The following FHOD1 variants were observed in gnomAD, a reference collection of about 807,000 sequenced individuals.
The protein encoded by FHOD1 is formin homology 2 domain containing 1, also known as FH1/FH2 domain-containing protein 1.
Under a neutral mutation model 111.6 loss-of-function variants are expected in FHOD1, and 89 were observed. The ratio of observed to expected loss-of-function variants is 0.80; its 90% CI spans 0.67 to 0.95. FHOD1 has a LOEUF of 0.95. Among genes scored for constraint, FHOD1 ranks in the 40% least tolerant of loss-of-function variants. The pLI, the probability that FHOD1 is intolerant of heterozygous loss-of-function variation, is 0.00. For missense variants in FHOD1, 1,446 were observed against 1,554.2 expected (o/e 0.93, Z 1.17); for synonymous variants, 618 against 639.0 (o/e 0.97, Z 0.50).
At position 67,236,967 on chromosome 16, in the gene FHOD1, C is replaced by T. The variant is rs768121587; in HGVS notation, c.1141G>A (p.Gly381Ser). 2 of 1,582,218 alleles carry T rather than the reference C, an allele frequency of 1.3e-6. No individual in the cohort carries two copies. The highest frequency in any genetic ancestry group is 1.2e-5 in the South Asian group (1 of 86,576). ...CCATCTACAGATGCTCGTACTTACCCAGGTTCCGGGGCACGCGCGGGGCAG... is the reference window on the plus strand; with the variant it reads ...CCATCTACAGATGCTCGTACTTACCTAGGTTCCGGGGCACGCGCGGGGCAG... The part of the protein sequence containing the change: ...GGCPARAPEP[G>S]PTGPASPVGP... Residue 381 changes from glycine to serine, a missense_variant and splice_region_variant, in exon 10 of 22, where the codon GGC becomes AGC. This residue lies in a region of FHOD1 where 1,085 missense variants were observed against 1,108.8 expected (regional missense o/e 0.98). Transcript: ENST00000258201.
chr16:67,234,595 A>C, intron 11 of FHOD1, 123 bp from the exon 12 acceptor site: 2 of 811,564 alleles, frequency 2.5e-6, no homozygotes, highest in Non-Finnish European at 4.0e-6. Context: ...GGAACAGTCC[A>C]TGCGCTGAGC....
Position 67,233,927 on chromosome 16 carries a change from TG to T in FHOD1, c.1775del (p.Pro592HisfsTer36). On this transcript the variant is annotated frameshift_variant, in exon 13 of 22. Coordinates refer to ENST00000258201, the MANE Select transcript of FHOD1 (RefSeq NM_013241.3). LOFTEE classifies it high-confidence loss of function. ...GTGGTGGGAAGGGGCCTTTGATGGG[TG>T]GGGGAGGTGGAAGTGGGGGAGGGGG... ...VPPPPPLPPPPPIKGPFPPPP... is the reference protein window; with the variant it reads ...VPPPPPLPPPXPIKGPFPPPP... 1 of 175,144 alleles carries T rather than the reference TG, an allele frequency of 5.7e-6. No individual in the cohort carries two copies. The highest frequency in any genetic ancestry group is 9.4e-6 in the Non-Finnish European group (1 of 105,822). The allele number at this position is 175,144 out of a possible 1,614,324, so 10.8% of individuals were successfully genotyped here.
At chr16:67,230,041 T>C (rs1202287282) in intron 20 of FHOD1, 25 bp downstream of exon 20, 13 of 1,612,874 alleles carry the variant, frequency 8.1e-6, no homozygotes, top group South Asian at 2.2e-5. Flanking sequence ...TGGAGCCCAT[T>C]CCCCACAGCT....
At chr16:67,244,389 A>G (rs1219089055) in intron 1 of FHOD1, among the ~76,000 whole-genome samples, 2 of 151,906 alleles carry the variant, frequency 1.3e-5, no homozygotes, top group Non-Finnish European at 2.9e-5. Flanking sequence ...GGCTGGGGGA[A>G]TATTTTGGAG....
rs764568422 is a variant in FHOD1 at position 67,231,691 on chromosome 16, G to A, written c.2331C>T (p.Leu777=). ...FLMTLASIGG[L]AARLQLWAFK... is the part of the protein sequence containing the mutation. ...AGGCCCAGAGTTGTAGACGAGCAGC[G>A]AGGCCGCCAATGGAGGCAAGAGTCA... The change falls in exon 15 of 22, where the codon CTC becomes CTT. Residue 777 remains leucine (L), a synonymous_variant. Coordinates refer to ENST00000258201, the MANE Select transcript of FHOD1 (RefSeq NM_013241.3). This position sits in a 1 kb window ranked among gnomAD's most constrained non-coding sequence, Gnocchi z 4.3. 2.8e-5 allele frequency: 45 copies of A among 1,614,144 alleles called. No individual in the cohort carries two copies. The highest frequency in any genetic ancestry group is 2.7e-4 in the Admixed American group (16 of 60,024).
At position 67,247,304 on chromosome 16, in the gene FHOD1, T is replaced by C; in HGVS notation, c.107A>G (p.Glu36Gly). 1 of 1,613,354 alleles carries C rather than the reference T, an allele frequency of 6.2e-7. No homozygotes were observed. The highest frequency in any genetic ancestry group is 8.5e-7 in the Non-Finnish European group (1 of 1,179,788). ...TDPFACANFP[E>G]PRRAPTCSLD... ...GCTGCAGGTGGGGGCCCGGCGCGGC[T>C]CCGGAAAGTTGGCACATGCGAAGGG... Residue 36 changes from glutamate (E) to glycine (G), a missense_variant, in exon 1 of 22, where the codon GAG becomes GGG. Glu to Gly is a moderately conservative substitution (Grantham distance 98). Transcript: ENST00000258201.
chr16:67,238,204 C>G lies in FHOD1; in HGVS notation c.545G>C (p.Arg182Thr). ...CATGGGAGAGGGGCGGGGCTGACCT[C>G]TAAGGATGTAGCTCTGGTAGTTGTG... Reference protein sequence around the residue: ...ADHNYQSYILRALGQLMLFVD... With the variant: ...ADHNYQSYILTALGQLMLFVD... The change falls in exon 5 of 22, where the codon AGA becomes ACA. Residue 182 changes from arginine to threonine, a missense_variant and splice_region_variant. Around this residue, in one of 3 missense-constraint regions of FHOD1, gnomAD observed 234 missense variants for 327.4 expected, o/e 0.71. Transcript: ENST00000258201. This position sits in a 1 kb window ranked among gnomAD's most constrained non-coding sequence, Gnocchi z 4.2. 6 of 1,614,162 alleles carry G rather than the reference C, an allele frequency of 3.7e-6. No individual in the cohort carries two copies. The highest frequency in any genetic ancestry group is 4.2e-6 in the Non-Finnish European group (5 of 1,180,018).
In FHOD1 at chr16:67,236,574, G is replaced by C. The variant is rs761595877; in HGVS notation, c.1302C>G (p.Ser434Arg). 1 of 1,613,410 alleles carries C rather than the reference G, an allele frequency of 6.2e-7. No individual in the cohort carries two copies. The highest frequency in any genetic ancestry group is 1.7e-5 in the Admixed American group (1 of 59,940). Residue 434 changes from serine (S) to arginine (R), a missense_variant, in exon 11 of 22, where the codon AGC becomes AGG. Transcript: ENST00000258201. Reference protein sequence around the residue: ...ISVAPSADTSSERSIYKARFL... With the variant: ...ISVAPSADTSRERSIYKARFL... ...CTACTTACTTGTAGATGCTCCTCTC[G>C]CTGGAGGTGTCAGCTGAGGGTGCCA...
chr16:67,245,471 C>T (rs1211558012), intron 1 of FHOD1, among the ~76,000 whole-genome samples: 1 of 152,110 alleles, frequency 6.6e-6, no homozygotes, highest in African/African-American at 2.4e-5. Context: ...AGGGGCTGGG[C>T]ATGGTGGCTC....
In FHOD1 at chr16:67,237,935, C is replaced by T; in HGVS notation, c.642+99G>A. 5 of 1,402,880 alleles carry T rather than the reference C, an allele frequency of 3.6e-6. No homozygotes were observed. Among genetic ancestry groups the T allele is most frequent in the Non-Finnish European group, 5.0e-6 (5 of 998,970 alleles). The allele number at this position is 1,402,880 out of a possible 1,614,324, so 86.9% of individuals were successfully genotyped here. On this transcript the variant is annotated intron_variant, in intron 6 of 21. Coordinates refer to ENST00000258201, the MANE Select transcript of FHOD1 (RefSeq NM_013241.3). This position sits in a 1 kb window ranked among gnomAD's most constrained non-coding sequence, Gnocchi z 5.6. ...GTGCCTTATAGGCTTACAGAGGCCT[C>T]AGACTCACTCCCTTCCAGCTCACTT... is the stretch of plus-strand genomic sequence containing the variant.
In FHOD1 at chr16:67,231,915, A is replaced by G; in HGVS notation, c.2203-96T>C. ...CCCTCAGTCATCTAGGGGAGGCCCCAGTGTCTGGGGACTGCCCTGCAGAAA... is the reference window on the plus strand; with the variant it reads ...CCCTCAGTCATCTAGGGGAGGCCCCGGTGTCTGGGGACTGCCCTGCAGAAA... On this transcript the variant is annotated intron_variant, in intron 14 of 21. Transcript: ENST00000258201. The surrounding 1 kb of genome is among the most constrained non-coding windows in gnomAD (Gnocchi z 4.3). 1 of 1,539,162 alleles carries G rather than the reference A, an allele frequency of 6.5e-7. No individual in the cohort carries two copies. The highest frequency in any genetic ancestry group is 8.8e-7 in the Non-Finnish European group (1 of 1,137,192).
rs753156211 is a variant in FHOD1, at chr16:67,230,493, G to A, written c.2872C>T (p.Leu958=). Residue 958 remains leucine (L), a synonymous_variant, in exon 19 of 22, where the codon CTG becomes TTG. Coordinates refer to ENST00000258201, the MANE Select transcript of FHOD1 (RefSeq NM_013241.3). ...RRVCNRFHAF[L]LYLGYTPQAA... ...TGCGGGGTGTAGCCCAGGTAGAGCA[G>A]GAAGGCATGGAACCTAGGCAGGTCA... The A allele has an allele frequency of 1.9e-6, 3 of 1,614,254 alleles. No individual in the cohort carries two copies. Among genetic ancestry groups the A allele is most frequent in the South Asian group, 2.2e-5 (2 of 91,084 alleles).
rs545830867 is a variant in FHOD1, at chr16:67,245,875, G to C, written c.201+1335C>G. Among the ~76,000 whole-genome samples, 15 of 152,260 alleles carry C rather than the reference G, an allele frequency of 9.9e-5. No individual in the cohort carries two copies. The East Asian group carries it at 2.9e-3, about 29-fold the overall frequency. Reference sequence around the variant, plus strand: ...ATCCGGACTTTAGGAGCCTGGAAGCGGGAACCAGTCTTAGTTCAGCACTCC... The same window carrying C: ...ATCCGGACTTTAGGAGCCTGGAAGCCGGAACCAGTCTTAGTTCAGCACTCC... On this transcript the variant is annotated intron_variant, in intron 1 of 21. Transcript: ENST00000258201.
chr16:67,231,380 G>A lies in FHOD1; in HGVS notation c.2506-31C>T. On this transcript the variant is annotated intron_variant, in intron 16 of 21. Transcript: ENST00000258201. This position sits in a 1 kb window ranked among gnomAD's most constrained non-coding sequence, Gnocchi z 4.3. ...AGGACCCTTTCTGAGCCTGGGCCTG[G>A]TTGGCTCCAGAACCCTGACTCCCCC... 1 of 1,614,030 alleles carries A rather than the reference G, an allele frequency of 6.2e-7. No homozygotes were observed. Among genetic ancestry groups the A allele is most frequent in the Non-Finnish European group, 8.5e-7 (1 of 1,179,986 alleles).
intron 11 of FHOD1, chr16:67,234,685 T>C (rs1459665085): frequency 3.8e-6 from 2 of 520,152 alleles, no homozygotes; most frequent in Non-Finnish European, 6.9e-6. Context: ...AACCCAGCAT[T>C]CCCAGGTGAA....
chr16:67,230,705 C>T lies in FHOD1; in HGVS notation c.2754G>A (p.Lys918=). The change falls in exon 18 of 22, where the codon AAG becomes AAA. Residue 918 remains lysine (K), a synonymous_variant. Coordinates refer to ENST00000258201, the MANE Select transcript of FHOD1 (RefSeq NM_013241.3). The part of the protein sequence containing the change: ...AAEESLRSLA[K]HELAPALRAR... ...CACGCAGGGCTGGGGCCAGCTCATG[C>T]TTGGCCAAGCTCCGCAGGCTCTCCT... 6.2e-7 allele frequency: 1 copy of T among 1,613,734 alleles called. No homozygotes were observed. The highest frequency in any genetic ancestry group is 2.2e-5 in the East Asian group (1 of 44,890).
At chr16:67,244,846 C>T (rs2034767148) in intron 1 of FHOD1, among the ~76,000 whole-genome samples, 10 of 152,172 alleles carry the variant, frequency 6.6e-5, no homozygotes, top group Admixed American at 6.5e-4. Context: ...GACAGGGATG[C>T]CCTGGTTTCT....
chr16:67,245,050 C>T (rs867519022), intron 1 of FHOD1, among the ~76,000 whole-genome samples: 4 of 152,236 alleles, frequency 2.6e-5, no homozygotes, highest in Non-Finnish European at 5.9e-5. Flanking sequence ...CTCCAGCCTT[C>T]TATTCTGGGG....
rs2034908217 is a variant in FHOD1 at position 67,247,415 on chromosome 16, C to T, written c.-5G>A. On this transcript the variant is annotated 5_prime_UTR_variant, in exon 1 of 22. Coordinates refer to ENST00000258201, the MANE Select transcript of FHOD1 (RefSeq NM_013241.3). ...GCGGTCTTCCCCGCCCGCCATGGCT[C>T]TGCGGCCGGCTCACGCAGCGCGCCT... 1 of 1,611,892 alleles carries T rather than the reference C, an allele frequency of 6.2e-7. No homozygotes were observed. Among genetic ancestry groups the T allele is most frequent in the South Asian group, 1.1e-5 (1 of 90,988 alleles).
Sources: gnomAD v4.1 joint callset for allele counts (sites outside exome capture counted in the v4.1 genomes callset) on GRCh38, gnomAD v4.1.1 for gene constraint, gnomAD v4.1.1 regional missense constraint, Gnocchi (gnomAD v3.1) non-coding constraint, MANE v1.5 for transcripts, NCBI Gene and HGNC (gene_info 2026-07-23, HGNC 2026-07-21) for gene names.